Variants in CALN1 observed in about 807,000 individuals in gnomAD.
CALN1 encodes calneuron 1, also known as calcium-binding protein 8.
In CALN1, 17 loss-of-function variants were observed where a neutral mutation model predicts 30.6. That is an observed-to-expected ratio of 0.56 (90% confidence interval 0.38 to 0.83). The LOEUF is 0.83. Ranked by LOEUF, CALN1 falls within the 40% of genes least tolerant of loss-of-function variation. The pLI is 0.00. For missense variants in CALN1, 291 were observed against 354.9 expected, an observed-to-expected ratio of 0.82 and a Z score of 1.45; for synonymous variants, 156 against 131.4, an observed-to-expected ratio of 1.19 and a Z score of -1.28.
intron 5 of CALN1, among the ~76,000 whole-genome samples, chr7:71,908,969 T>C (rs1794284447): frequency 6.6e-6 from 1 of 152,240 alleles, no homozygotes; most frequent in South Asian, 2.1e-4. Context: ...TCATGTTTCA[T>C]GTCTGGAAAT....
In CALN1 at chr7:71,907,056, C is replaced by T. The variant is rs143952979; in HGVS notation, c.502-96564G>A. Among the ~76,000 whole-genome samples the T allele has an allele frequency of 5.8e-4, 89 of 152,218 alleles. 1 individual carries two copies. The highest frequency in any genetic ancestry group is 2.0e-3 in the African/African-American group (84 of 41,536). On this transcript the variant is annotated intron_variant, in intron 5 of 6. Coordinates refer to ENST00000395275, the MANE Select transcript of CALN1 (RefSeq NM_031468.4). The stretch of plus-strand genomic sequence containing the variant: ...CAGCTTGCTTGCATCCACCCTGGGC[C>T]AGGTAAAGCTGACTGAACATGGGGG...
chr7:72,501,542 A>G, the CALN1 span, among the ~76,000 whole-genome samples: 2 of 135,220 alleles, frequency 1.5e-5, no homozygotes, highest in African/African-American at 2.8e-5. Context: ...AAAGGAAAGG[A>G]AGGAGGGAGG....
chr7:72,258,475 C>T (rs1796065991), intron 3 of CALN1, among the ~76,000 whole-genome samples: 1 of 152,140 alleles, frequency 6.6e-6, no homozygotes. Flanking sequence ...ATCAATAACC[C>T]AAGGGCACTG....
intron 3 of CALN1, among the ~76,000 whole-genome samples, chr7:72,277,524 C>A (rs113931862): frequency 6.6e-6 from 1 of 152,198 alleles, no homozygotes; most frequent in African/African-American, 2.4e-5. Context: ...CTTCAAACAT[C>A]CCCCAGACTC....
rs555481519 is a variant in CALN1 at position 71,827,419 on chromosome 7, T to C, written c.502-16927A>G. On this transcript the variant is annotated intron_variant, in intron 5 of 6. Transcript: ENST00000395275. ...GAAGCAAAGGCTACATGATGCCTAT[T>C]TTACAGATAAACACAGTGGAGTTCA... is the stretch of plus-strand genomic sequence containing the variant. Among the ~76,000 whole-genome samples, 264 of 152,270 alleles carry C rather than the reference T, an allele frequency of 1.7e-3. 1 individual carries two copies. The highest frequency in any genetic ancestry group is 2.5e-3 in the Non-Finnish European group (172 of 68,014).
At chr7:72,278,325 T>C (rs1183354730) in intron 3 of CALN1, among the ~76,000 whole-genome samples, 1 of 152,050 alleles carries the variant, frequency 6.6e-6, no homozygotes, top group Non-Finnish European at 1.5e-5. Context: ...CCATTGTCAG[T>C]GACAACACAG....
intron 2 of CALN1, among the ~76,000 whole-genome samples, chr7:72,309,910 G>T (rs866440735): frequency 6.6e-6 from 1 of 152,138 alleles, no homozygotes; most frequent in Admixed American, 6.5e-5. Context: ...AGGGCCAGGG[G>T]CAAGCCTGGA....
rs534156708 is a variant in CALN1 at position 72,210,897 on chromosome 7, A to T, written c.244+67789T>A. Among the ~76,000 whole-genome samples, 376 of 149,870 alleles carry T rather than the reference A, an allele frequency of 2.5e-3. 1 individual carries two copies. The highest frequency in any genetic ancestry group is 6.1e-3 in the African/African-American group (247 of 40,812). On this transcript the variant is annotated intron_variant, in intron 3 of 6. Coordinates refer to ENST00000395275, the MANE Select transcript of CALN1 (RefSeq NM_031468.4). ...GAGCCCCGGTCTCCAGAAAAAAATT[A>T]AAAAAAAAATTAGCTGGGATGGTGG...
chr7:72,152,277 G>C (rs1488254335), intron 3 of CALN1, among the ~76,000 whole-genome samples: 3 of 152,164 alleles, frequency 2.0e-5, no homozygotes, highest in Non-Finnish European at 4.4e-5. Context: ...GGGAGACCAG[G>C]GTTCTCTGTG....
At chr7:72,396,674 ACAGTTGGGTGGGTAGGGAG>A (rs981133127) in intron 2 of CALN1, among the ~76,000 whole-genome samples, 9 of 152,098 alleles carry the variant, frequency 5.9e-5, no homozygotes, top group Admixed American at 5.2e-4. Context: ...AGAAAAGGTG[ACAGTTGGGTGGGTAGGGAG>A]TTGAAGATGT....
intron 2 of CALN1, among the ~76,000 whole-genome samples, chr7:72,319,774 G>T (rs144508763): frequency 6.6e-6 from 1 of 152,286 alleles, no homozygotes; most frequent in Non-Finnish European, 1.5e-5. Context: ...TGAAGGCAAG[G>T]GGGGTGGGCC....
intron 3 of CALN1, among the ~76,000 whole-genome samples, chr7:72,250,208 G>A (rs765135113): frequency 2.6e-5 from 4 of 152,156 alleles, no homozygotes; most frequent in Non-Finnish European, 4.4e-5. Flanking sequence ...AAATAAGCCT[G>A]GGATCTAAAT....
chr7:72,066,883 G>T (rs1804058883), intron 4 of CALN1, among the ~76,000 whole-genome samples: 1 of 151,938 alleles, frequency 6.6e-6, no homozygotes, highest in Non-Finnish European at 1.5e-5. Flanking sequence ...CTGGGCTCAA[G>T]ATATTCTCTC....
intron 5 of CALN1, among the ~76,000 whole-genome samples, chr7:71,873,307 C>T (rs190077510): frequency 1.3e-5 from 2 of 152,088 alleles, no homozygotes; most frequent in Admixed American, 6.5e-5. Flanking sequence ...CACGCCCAGC[C>T]GAAAATTTTT....
In CALN1 at chr7:72,338,525, G is replaced by GTGTGTGTGTGTGTGTGTC; in HGVS notation, c.120-59716_120-59715insGACACACACACACACACA. ...TGTGTGTGTGTGTGTGTGTGTGTGT[G>GTGTGTGTGTGTGTGTGTC]TGTCTCACCTGGGTGTGGTTTCAGA... On this transcript the variant is annotated intron_variant, in intron 2 of 6. Transcript: ENST00000395275. 2.2e-3 allele frequency among the ~76,000 whole-genome samples: 272 copies of GTGTGTGTGTGTGTGTGTC among 122,330 alleles called. 17 individuals are homozygous for GTGTGTGTGTGTGTGTGTC. Among genetic ancestry groups the GTGTGTGTGTGTGTGTGTC allele is most frequent in the African/African-American group, 5.6e-3 (179 of 32,060 alleles). The allele number at this position is 122,330 out of a possible 152,430, so 80.3% of individuals were successfully genotyped here.
At chr7:72,301,364 T>G (rs1223186727) in intron 2 of CALN1, among the ~76,000 whole-genome samples, 2 of 151,796 alleles carry the variant, frequency 1.3e-5, no homozygotes, top group African/African-American at 4.8e-5. Context: ...TCCCACCACT[T>G]TGGGAGGCCG....
intron 5 of CALN1, among the ~76,000 whole-genome samples, chr7:71,932,985 G>C (rs1393669698): frequency 3.3e-5 from 5 of 152,218 alleles, no homozygotes; most frequent in African/African-American, 1.2e-4. Flanking sequence ...CAGATAGTGA[G>C]GGTACAGGAG....
At chr7:72,014,413 G>A in intron 5 of CALN1, among the ~76,000 whole-genome samples, 1 of 151,958 alleles carries the variant, frequency 6.6e-6, no homozygotes, top group Non-Finnish European at 1.5e-5. Flanking sequence ...TCTTGCTCCT[G>A]ACAACTTTGA....
intron 3 of CALN1, among the ~76,000 whole-genome samples, chr7:72,136,894 G>A (rs1303061506): frequency 1.3e-5 from 2 of 152,186 alleles, no homozygotes; most frequent in Non-Finnish European, 2.9e-5. Context: ...TTATATAGAT[G>A]TAGTTTGTGG....
Sources: gnomAD v4.1 joint callset for allele counts (sites outside exome capture counted in the v4.1 genomes callset) on GRCh38, gnomAD v4.1.1 for gene constraint, MANE v1.5 for transcripts, NCBI Gene and HGNC (gene_info 2026-07-23, HGNC 2026-07-21) for gene names.